Variants in DMD observed in about 807,000 individuals in gnomAD.
The protein encoded by DMD is mutant dystrophin.
DMD carries 63 observed loss-of-function variants against 330.1 expected under a neutral mutation model. The observed-to-expected ratio is 0.19, with a 90% CI of 0.16 to 0.24. DMD has a LOEUF of 0.24. Among genes scored for constraint, DMD ranks in the 10% least tolerant of loss-of-function variants. The pLI is 1.00. For synonymous variants in DMD, 1,223 were observed against 959.8 expected, an observed-to-expected ratio of 1.27 and a Z score of -5.07; for missense variants, 3,344 against 2,684.1, an observed-to-expected ratio of 1.25 and a Z score of -5.43.
At chrX:32,102,792 C>G (rs773917902) in intron 44 of DMD, among the ~76,000 whole-genome samples, 6 of 111,312 alleles carry the variant, frequency 5.4e-5, no homozygotes, top group African/African-American at 1.3e-4. Context: ...TCTTATGCAA[C>G]GAGTAGCTCC....
chrX:32,198,295 C>A (rs961561645), intron 44 of DMD, among the ~76,000 whole-genome samples: 1 of 111,227 alleles, frequency 9.0e-6, no homozygotes, highest in African/African-American at 3.3e-5. Flanking sequence ...GAAAAATTAT[C>A]CAAAACTTAG....
chrX:31,511,746 G>C (rs1435104886), intron 55 of DMD, among the ~76,000 whole-genome samples: 3 of 107,366 alleles, frequency 2.8e-5, no homozygotes, highest in Non-Finnish European at 5.8e-5. Context: ...TTGGACATTT[G>C]GGTTGGTTCC....
chrX:33,119,053 G>A (rs1180269161), intron 1 of DMD, among the ~76,000 whole-genome samples: 3 of 111,926 alleles, frequency 2.7e-5, no homozygotes, highest in Non-Finnish European at 5.6e-5. Context: ...TCCACTGTTC[G>A]ATATCCAGCC....
intron 2 of DMD, among the ~76,000 whole-genome samples, chrX:32,897,366 G>T (rs1365045820): frequency 9.0e-6 from 1 of 111,698 alleles, no homozygotes; most frequent in African/African-American, 3.2e-5. Flanking sequence ...AGTAGAGAAT[G>T]AAGAGGTGAA....
chrX:32,149,018 C>A (rs1270155114), intron 44 of DMD, among the ~76,000 whole-genome samples: 1 of 111,719 alleles, frequency 9.0e-6, no homozygotes, highest in East Asian at 2.8e-4. Context: ...TTCTTTTATA[C>A]CATTTTCTTT....
At position 32,672,820 on chromosome X, in the gene DMD, A is replaced by G. The variant is rs146592286; in HGVS notation, c.960+25050T>C. Among the ~76,000 whole-genome samples, 754 of 111,007 alleles carry G rather than the reference A, an allele frequency of 6.8e-3. 6 individuals are homozygous for G. The highest frequency in any genetic ancestry group is 0.023 in the African/African-American group (690 of 30,605). On this transcript the variant is annotated intron_variant, in intron 9 of 78. Coordinates refer to ENST00000357033, the MANE Select transcript of DMD (RefSeq NM_004006.3). ...AAGAAATAACTACCTGGCATAGATA[A>G]CGGAAGAGTGAAGAGCCAAAAGAGC...
chrX:32,565,260 A>T (rs137934195), intron 16 of DMD, among the ~76,000 whole-genome samples: 7 of 111,841 alleles, frequency 6.3e-5, no homozygotes, highest in Non-Finnish European at 1.3e-4. Flanking sequence ...CTTTCCAAGA[A>T]ATCAAAAGAC....
At chrX:31,904,358 G>A (rs1260219719) in intron 47 of DMD, among the ~76,000 whole-genome samples, 1 of 111,496 alleles carries the variant, frequency 9.0e-6, no homozygotes, top group Non-Finnish European at 1.9e-5. Flanking sequence ...ATGGCACTCA[G>A]TGATCTCTGT....
chrX:32,168,666 T>A (rs1246491314), intron 44 of DMD, among the ~76,000 whole-genome samples: 1 of 111,218 alleles, frequency 9.0e-6, no homozygotes, highest in African/African-American at 3.3e-5. Flanking sequence ...TAACCTATCT[T>A]TTCCCCGAAG....
At chrX:32,780,329 C>G (rs192309805) in intron 7 of DMD, among the ~76,000 whole-genome samples, 139 of 112,055 alleles carry the variant, frequency 1.2e-3, no homozygotes, top group African/African-American at 4.1e-3. Context: ...TTTTATGAGA[C>G]GTGCTATTGA....
chrX:32,023,522 TATA>T (rs2095823132), intron 44 of DMD, among the ~76,000 whole-genome samples: 1 of 111,939 alleles, frequency 8.9e-6, no homozygotes, highest in African/African-American at 3.3e-5. Context: ...ATATTTTATT[TATA>T]ATGTTAAAGG....
In DMD at chrX:32,120,484, A is replaced by G. The variant is rs73456136; in HGVS notation, c.6438+96432T>C. Among the ~76,000 whole-genome samples, 615 of 112,237 alleles carry G rather than the reference A, an allele frequency of 5.5e-3. 2 individuals carry two copies. The highest frequency in any genetic ancestry group is 0.019 in the African/African-American group (590 of 30,877). ...AGTCAGAATCTAGGTCTTCACACAC[A>G]GACACTGATTCAGTAGGTTTGGGAT... On this transcript the variant is annotated intron_variant, in intron 44 of 78. Transcript: ENST00000357033.
intron 52 of DMD, among the ~76,000 whole-genome samples, chrX:31,728,552 C>G (rs1286230490): frequency 8.9e-6 from 1 of 111,776 alleles, no homozygotes; most frequent in Non-Finnish European, 1.9e-5. Context: ...AAATATTAAC[C>G]TTTTACTCTG....
intron 54 of DMD, among the ~76,000 whole-genome samples, chrX:31,654,327 T>C (rs2080644025): frequency 8.9e-6 from 1 of 112,018 alleles, no homozygotes; most frequent in Non-Finnish European, 1.9e-5. Flanking sequence ...CATAGTAAAA[T>C]GGTGTCTAAC....
rs780626960 is a variant in DMD, at chrX:32,174,499, T to C, written c.6438+42417A>G. On this transcript the variant is annotated intron_variant, in intron 44 of 78. Transcript: ENST00000357033. ...AGTTTTATTGGATCACAATGACACA[T>C]CTTCATTTCTCTATTGTCTATGACT... Among the ~76,000 whole-genome samples, 3 of 112,120 alleles carry C rather than the reference T, an allele frequency of 2.7e-5. No individual in the cohort carries two copies. In the East Asian group the frequency reaches 8.4e-4, roughly 31 times the overall value.
intron 1 of DMD, among the ~76,000 whole-genome samples, chrX:33,313,402 C>T (rs1438558894): frequency 8.9e-6 from 1 of 111,760 alleles, no homozygotes; most frequent in East Asian, 2.8e-4. Flanking sequence ...ATGATCTGAG[C>T]AGAGATCAAC....
chrX:32,895,538 G>C lies in DMD; in HGVS notation c.94-45718C>G, dbSNP rs147695840. Among the ~76,000 whole-genome samples the C allele has an allele frequency of 3.5e-3, 385 of 111,592 alleles. 2 individuals carry two copies. Among genetic ancestry groups the C allele is most frequent in the African/African-American group, 0.012 (358 of 30,688 alleles). ...GCGTCAAGGTTGATAAGGGTCAAGGGTTTGGGTTTTGGCTCTGGCTTGTGG... is the reference window on the plus strand; with the variant it reads ...GCGTCAAGGTTGATAAGGGTCAAGGCTTTGGGTTTTGGCTCTGGCTTGTGG... On this transcript the variant is annotated intron_variant, in intron 2 of 78. Coordinates refer to ENST00000357033, the MANE Select transcript of DMD (RefSeq NM_004006.3).
At chrX:32,961,912 A>C (rs1294334622) in intron 2 of DMD, among the ~76,000 whole-genome samples, 4 of 111,841 alleles carry the variant, frequency 3.6e-5, no homozygotes, top group Non-Finnish European at 7.5e-5. Flanking sequence ...ACACAACTTT[A>C]ATTTCTTATG....
chrX:32,591,609 T>G (rs1325048083), intron 13 of DMD, among the ~76,000 whole-genome samples: 1 of 112,424 alleles, frequency 8.9e-6, no homozygotes, highest in Non-Finnish European at 1.9e-5. Flanking sequence ...AGCAGCAGCC[T>G]GTCTGGAGCG....
Sources: gnomAD v4.1 joint callset for allele counts (sites outside exome capture counted in the v4.1 genomes callset) on GRCh38, gnomAD v4.1.1 for gene constraint, MANE v1.5 for transcripts, NCBI Gene and HGNC (gene_info 2026-07-23, HGNC 2026-07-21) for gene names.